The following PDZRN4 variants were observed in gnomAD, a reference collection of about 807,000 sequenced individuals.
The protein encoded by PDZRN4 is PDZ domain-containing RING finger protein 4.
In PDZRN4, 70 loss-of-function variants were observed where a neutral mutation model predicts 99.0. The observed-to-expected ratio is 0.71, with a 90% confidence interval of 0.58 to 0.86. PDZRN4 has a LOEUF of 0.86. Among genes scored for constraint, PDZRN4 ranks in the 40% least tolerant of loss-of-function variants. The pLI, the probability that PDZRN4 is intolerant of heterozygous loss-of-function variation, is 0.00. For missense variants in PDZRN4, 1,474 were observed against 1,331.2 expected (o/e 1.11, Z -1.67); for synonymous variants, 551 against 501.6 (o/e 1.10, Z -1.32).
At position 41,541,529 on chromosome 12, in the gene PDZRN4, C is replaced by T. The variant is rs189046545; in HGVS notation, c.1204-11127C>T. Among the ~76,000 whole-genome samples the T allele has an allele frequency of 1.3e-3, 198 of 151,040 alleles. 1 individual carries two copies. Among genetic ancestry groups the T allele is most frequent in the Middle Eastern group, 0.01 (3 of 292 alleles). Reference sequence around the variant, plus strand: ...AGTGCAGTGGCTCAATTTCAGCTCACTGCAAGTTCCACCTCCTGGATTCAC... The same window carrying T: ...AGTGCAGTGGCTCAATTTCAGCTCATTGCAAGTTCCACCTCCTGGATTCAC... On this transcript the variant is annotated intron_variant, in intron 5 of 9. Coordinates refer to ENST00000402685, the MANE Select transcript of PDZRN4 (RefSeq NM_001164595.2).
chr12:41,549,811 T>C (rs958402430), intron 5 of PDZRN4, among the ~76,000 whole-genome samples: 3 of 152,136 alleles, frequency 2.0e-5, no homozygotes, highest in African/African-American at 7.2e-5. Flanking sequence ...CCAGGTTTTG[T>C]TAGGGGACAA....
intron 5 of PDZRN4, among the ~76,000 whole-genome samples, chr12:41,519,578 C>T (rs575717189): frequency 6.6e-6 from 1 of 152,020 alleles, no homozygotes; most frequent in African/African-American, 2.4e-5. Flanking sequence ...CGTGTCACTC[C>T]TCTGCTGAAA....
chr12:41,395,149 T>C (rs1431774174), intron 3 of PDZRN4, among the ~76,000 whole-genome samples: 1 of 152,164 alleles, frequency 6.6e-6, no homozygotes, highest in Non-Finnish European at 1.5e-5. Flanking sequence ...TCATCATCCA[T>C]ATCAAGTCTA....
chr12:41,395,077 C>T (rs1157286459), intron 3 of PDZRN4, among the ~76,000 whole-genome samples: 1 of 152,110 alleles, frequency 6.6e-6, no homozygotes, highest in Non-Finnish European at 1.5e-5. Context: ...TAAATACACC[C>T]ACCCCTGTCC....
chr12:41,446,244 G>T (rs189914170), intron 3 of PDZRN4, among the ~76,000 whole-genome samples: 30 of 64,286 alleles, frequency 4.7e-4, no homozygotes, highest in Non-Finnish European at 7.2e-4. Context: ...ACATTGTAGG[G>T]CTTTATTTAT....
intron 3 of PDZRN4, among the ~76,000 whole-genome samples, chr12:41,242,094 C>T (rs1168173679): frequency 6.6e-6 from 1 of 152,132 alleles, no homozygotes; most frequent in Non-Finnish European, 1.5e-5. Context: ...CCTCTGACTC[C>T]TGCAAGATTT....
chr12:41,257,287 G>A (rs1006900479), intron 3 of PDZRN4, among the ~76,000 whole-genome samples: 2 of 152,308 alleles, frequency 1.3e-5, no homozygotes, highest in African/African-American at 4.8e-5. Flanking sequence ...CTTCCAGGTT[G>A]CAGATTGCTG....
At chr12:41,228,598 A>G (rs762305022) in intron 3 of PDZRN4, among the ~76,000 whole-genome samples, 1 of 152,154 alleles carries the variant, frequency 6.6e-6, no homozygotes, top group South Asian at 2.1e-4. Context: ...ATCTTCCTAA[A>G]TAAAAAGGCT....
intron 3 of PDZRN4, among the ~76,000 whole-genome samples, chr12:41,426,744 C>T (rs1005916552): frequency 6.6e-6 from 1 of 152,120 alleles, no homozygotes; most frequent in African/African-American, 2.4e-5. Context: ...TTCATAATCA[C>T]AAAAGTTAGC....
chr12:41,445,475 C>T (rs1361558699), intron 3 of PDZRN4, among the ~76,000 whole-genome samples: 5 of 152,042 alleles, frequency 3.3e-5, no homozygotes, highest in Admixed American at 2.0e-4. Flanking sequence ...CCTCCCACAA[C>T]AGTCAATCAC....
Position 41,201,685 on chromosome 12 carries a change from T to TC in PDZRN4, c.843+7501dup. Among the ~76,000 whole-genome samples the TC allele has an allele frequency of 2.0e-5, 3 of 152,146 alleles. No individual in the cohort carries two copies. In the East Asian group the frequency reaches 5.8e-4, roughly 30 times the overall value. ...CCCTGAAATTTTTCCAGTTGGGCAG[T>TC]CCCCAAAGGCTCTCCTGTAACATCC... On this transcript the variant is annotated intron_variant, in intron 3 of 9. Coordinates refer to ENST00000402685, the MANE Select transcript of PDZRN4 (RefSeq NM_001164595.2).
At chr12:41,555,835 C>A in intron 7 of PDZRN4, 75 bp downstream of exon 7, 3 of 1,205,832 alleles carry the variant, frequency 2.5e-6, no homozygotes, top group Non-Finnish European at 2.5e-6. Flanking sequence ...TTCTTGTAAA[C>A]TGTTGAGAAA....
chr12:41,563,785 A>T, intron 8 of PDZRN4, 136 bp downstream of exon 8: 1 of 641,492 alleles, frequency 1.6e-6, no homozygotes, highest in Non-Finnish European at 2.7e-6. Flanking sequence ...CTCCCCATAT[A>T]ACCCACCAGA....
rs112917297 is a variant in PDZRN4 at position 41,212,111 on chromosome 12, G to C, written c.843+17923G>C. On this transcript the variant is annotated intron_variant, in intron 3 of 9. Coordinates refer to ENST00000402685, the MANE Select transcript of PDZRN4 (RefSeq NM_001164595.2). ...CTGAATCTCATGTTAACTCAATCTT[G>C]CCTTATACCAGTACATGTTCCAAAA... Among the ~76,000 whole-genome samples, 1,465 of 151,922 alleles carry C rather than the reference G, an allele frequency of 9.6e-3. 12 individuals are homozygous for C. The highest frequency in any genetic ancestry group is 0.024 in the South Asian group (115 of 4,806).
At chr12:41,375,299 A>G (rs1952071275) in intron 3 of PDZRN4, among the ~76,000 whole-genome samples, 1 of 152,216 alleles carries the variant, frequency 6.6e-6, no homozygotes, top group African/African-American at 2.4e-5. Context: ...CTATTCAACG[A>G]GAGCCAATAC....
chr12:41,258,965 T>C (rs1274919773), intron 3 of PDZRN4, among the ~76,000 whole-genome samples: 1 of 152,020 alleles, frequency 6.6e-6, no homozygotes, highest in Admixed American at 6.6e-5. Context: ...AAGTAGTACA[T>C]GGCGGGGGGG....
intron 3 of PDZRN4, among the ~76,000 whole-genome samples, chr12:41,245,672 T>G (rs1951129014): frequency 6.6e-6 from 1 of 152,144 alleles, no homozygotes; most frequent in South Asian, 2.1e-4. Flanking sequence ...TTCAACATTT[T>G]CCATAATAAA....
intron 3 of PDZRN4, among the ~76,000 whole-genome samples, chr12:41,484,245 G>T (rs1194486394): frequency 6.6e-6 from 1 of 152,154 alleles, no homozygotes; most frequent in African/African-American, 2.4e-5. Flanking sequence ...ATAATCATAA[G>T]AGATCAAAGT....
chr12:41,196,093 A>G (rs1198290888), intron 3 of PDZRN4, among the ~76,000 whole-genome samples: 2 of 152,162 alleles, frequency 1.3e-5, no homozygotes, highest in Non-Finnish European at 2.9e-5. Flanking sequence ...ATTTGGTTAC[A>G]AACCTACTGT....
Sources: allele counts gnomAD v4.1 joint callset (sites outside exome capture counted in the v4.1 genomes callset), GRCh38; gene constraint gnomAD v4.1.1; transcripts MANE v1.5; gene names NCBI Gene and HGNC (gene_info 2026-07-23, HGNC 2026-07-21).